LRMDA: variants seen among roughly 807,000 people sequenced by gnomAD.
LRMDA encodes leucine-rich melanocyte differentiation-associated protein.
LRMDA carries 18 observed loss-of-function variants against 29.8 expected under a neutral mutation model. The observed-to-expected ratio is 0.60, with a 90% CI of 0.42 to 0.90. LRMDA has a LOEUF of 0.90. Among genes scored for constraint, LRMDA ranks in the 40% least tolerant of loss-of-function variants. LRMDA has a pLI of 0.00. For synonymous variants in LRMDA, 125 were observed against 109.4 expected, an observed-to-expected ratio of 1.14 and a Z score of -0.89; for missense variants, 273 against 273.9, an observed-to-expected ratio of 1.00 and a Z score of 0.02.
Position 76,557,579 on chromosome 10 carries a change from A to G in LRMDA, c.*291A>G. 2.2e-6 allele frequency: 1 copy of G among 452,466 alleles called. No homozygotes were observed. Among genetic ancestry groups the G allele is most frequent in the Middle Eastern group, 6.1e-4 (1 of 1,640 alleles). 28.0% of individuals were successfully genotyped at this position (452,466 alleles called of 1,614,324 possible). ...CAACAGGGCTGACAGCATGAACACC[A>G]TGATAGATTGCCTGGTCCTGCCACT... On this transcript the variant is annotated 3_prime_UTR_variant, in exon 7 of 7. Transcript: ENST00000611255.
chr10:75,675,308 T>A (rs1263698793), intron 2 of LRMDA, among the ~76,000 whole-genome samples: 3 of 152,170 alleles, frequency 2.0e-5, no homozygotes, highest in Non-Finnish European at 4.4e-5. Context: ...TGCTAGCAGA[T>A]CTAAAAGAAT....
Position 75,839,991 on chromosome 10 carries a change from A to C in LRMDA, c.132-196017A>C, listed in dbSNP as rs185106088. Among the ~76,000 whole-genome samples, 126 of 152,258 alleles carry C rather than the reference A, an allele frequency of 8.3e-4. 1 individual carries two copies. Among genetic ancestry groups the C allele is most frequent in the African/African-American group, 2.9e-3 (122 of 41,570 alleles). ...CCAAAGTGCTGGGATTACAGGCGTA[A>C]GCCACCACGCCTGGCCGCATTCAAC... On this transcript the variant is annotated intron_variant, in intron 2 of 6. Coordinates refer to ENST00000611255, the MANE Select transcript of LRMDA (RefSeq NM_001305581.2).
chr10:76,428,936 C>T (rs1289258875), intron 6 of LRMDA, among the ~76,000 whole-genome samples: 2 of 151,882 alleles, frequency 1.3e-5, no homozygotes, highest in Non-Finnish European at 2.9e-5. Flanking sequence ...TATCCATTTG[C>T]CTTTCTCCTT....
At chr10:75,994,551 GA>G (rs1847427221) in intron 2 of LRMDA, among the ~76,000 whole-genome samples, 1 of 152,150 alleles carries the variant, frequency 6.6e-6, no homozygotes, top group South Asian at 2.1e-4. Context: ...CCGGGAGCAG[GA>G]GAGGGAGGCT....
intron 5 of LRMDA, among the ~76,000 whole-genome samples, chr10:76,097,508 G>A (rs569030926): frequency 5.3e-5 from 8 of 152,302 alleles, no homozygotes; most frequent in African/African-American, 1.7e-4. Context: ...AGTCTTGAAA[G>A]GAAGACAGCC....
chr10:75,605,554 T>C (rs1840945584), intron 2 of LRMDA, among the ~76,000 whole-genome samples: 1 of 152,240 alleles, frequency 6.6e-6, no homozygotes, highest in South Asian at 2.1e-4. Context: ...CACTTTGATC[T>C]GATTGGAGAG....
intron 2 of LRMDA, among the ~76,000 whole-genome samples, chr10:75,969,197 A>G (rs1375262895): frequency 2.0e-5 from 3 of 152,162 alleles, no homozygotes; most frequent in African/African-American, 7.2e-5. Context: ...AAATCCCACA[A>G]AGACACTTGG....
chr10:75,864,714 C>T (rs1296386286), intron 2 of LRMDA, among the ~76,000 whole-genome samples: 1 of 152,166 alleles, frequency 6.6e-6, no homozygotes, highest in African/African-American at 2.4e-5. Flanking sequence ...CTTTTATCAT[C>T]TTGCTTCAGA....
intron 5 of LRMDA, among the ~76,000 whole-genome samples, chr10:76,198,134 A>T (rs2132229257): frequency 6.6e-6 from 1 of 152,236 alleles, no homozygotes; most frequent in South Asian, 2.1e-4. Flanking sequence ...TACTTTCTTA[A>T]CTTTCTGGTC....
intron 6 of LRMDA, among the ~76,000 whole-genome samples, chr10:76,334,048 G>C (rs560825897): frequency 6.6e-6 from 1 of 152,170 alleles, no homozygotes; most frequent in Non-Finnish European, 1.5e-5. Context: ...GTGGAGCTGT[G>C]GCAGCAGGAA....
At chr10:75,449,773 C>T (rs1844438780) in intron 2 of LRMDA, among the ~76,000 whole-genome samples, 1 of 152,164 alleles carries the variant, frequency 6.6e-6, no homozygotes, top group Admixed American at 6.5e-5. Context: ...CTCCCCTGCT[C>T]TGTGAGATGT....
chr10:76,104,911 G>A (rs370924124), intron 5 of LRMDA, among the ~76,000 whole-genome samples: 9 of 152,192 alleles, frequency 5.9e-5, no homozygotes, highest in African/African-American at 1.9e-4. Flanking sequence ...TGGCTCCATT[G>A]CTGTTTCTAG....
intron 2 of LRMDA, among the ~76,000 whole-genome samples, chr10:75,916,028 G>C (rs904726695): frequency 2.0e-5 from 3 of 152,134 alleles, no homozygotes; most frequent in African/African-American, 7.2e-5. Context: ...GGGCCCATTG[G>C]TATTAATTGT....
intron 2 of LRMDA, among the ~76,000 whole-genome samples, chr10:75,785,393 G>C (rs1388035413): frequency 6.6e-6 from 1 of 152,182 alleles, no homozygotes; most frequent in Non-Finnish European, 1.5e-5. Flanking sequence ...GCCCAGGGTG[G>C]AGATGTAAGA....
intron 2 of LRMDA, among the ~76,000 whole-genome samples, chr10:75,762,452 A>G (rs916530722): frequency 1.3e-5 from 2 of 152,226 alleles, no homozygotes; most frequent in Non-Finnish European, 2.9e-5. Flanking sequence ...TAGGGAAGCC[A>G]AAAGATTGGG....
intron 2 of LRMDA, among the ~76,000 whole-genome samples, chr10:75,776,596 T>C (rs1843314329): frequency 6.6e-6 from 1 of 152,236 alleles, no homozygotes; most frequent in African/African-American, 2.4e-5. Flanking sequence ...TTTGTATCAG[T>C]TACCAGAGAT....
In LRMDA at chr10:75,526,129, G is replaced by T. The variant is rs1461802261; in HGVS notation, c.131+87635G>T. 2.0e-5 allele frequency among the ~76,000 whole-genome samples: 3 copies of T among 151,944 alleles called. No individual in the cohort carries two copies. In the East Asian group the frequency reaches 5.8e-4, roughly 29 times the overall value. Reference sequence around the variant, plus strand: ...CACCCAGGCTGGAGTGCAGTGGTGTGATCATAGCCCACTGCAGCCTCAACC... The same window carrying T: ...CACCCAGGCTGGAGTGCAGTGGTGTTATCATAGCCCACTGCAGCCTCAACC... On this transcript the variant is annotated intron_variant, in intron 2 of 6. Transcript: ENST00000611255.
At chr10:76,203,929 CCTATTCCATGTGCCCATCTACCCATCT>C (rs1381992036) in intron 5 of LRMDA, among the ~76,000 whole-genome samples, 15 of 123,112 alleles carry the variant, frequency 1.2e-4, no homozygotes, top group Non-Finnish European at 2.4e-4. Context: ...TCCACCCATC[CCTATTCCATGTGCCCATCTACCCATCT>C]CTATTCCATG....
intron 5 of LRMDA, among the ~76,000 whole-genome samples, chr10:76,134,092 G>A (rs1850049666): frequency 6.6e-6 from 1 of 152,198 alleles, no homozygotes; most frequent in Admixed American, 6.5e-5. Context: ...AGCTTTCGAG[G>A]CACTGCAGCC....
Sources: allele counts gnomAD v4.1 joint callset (sites outside exome capture counted in the v4.1 genomes callset), GRCh38; gene constraint gnomAD v4.1.1; transcripts MANE v1.5; gene names NCBI Gene and HGNC (gene_info 2026-07-23, HGNC 2026-07-21).